The following TMEM80 variants were observed in gnomAD, a reference collection of about 807,000 sequenced individuals.
TMEM80 encodes the protein transmembrane protein 80.
A neutral mutation model predicts 13.6 loss-of-function variants in TMEM80; 16 were observed. The ratio of observed to expected loss-of-function variants is 1.17; its 90% CI spans 0.79 to 1.78. The LOEUF (loss-of-function observed/expected upper bound fraction) is 1.78, where lower values mean the gene tolerates loss of function less well. Ranked by LOEUF, TMEM80 falls within the 40% of genes most tolerant of loss-of-function variation. The pLI is 0.00. For synonymous variants in TMEM80, 92 were observed against 89.5 expected (o/e 1.03, Z -0.16); for missense variants, 167 against 184.6 (o/e 0.90, Z 0.55).
At chr11:702,438 C>A (rs963475610) in intron 4 of TMEM80, among the ~76,000 whole-genome samples, 1 of 152,236 alleles carries the variant, frequency 6.6e-6, no homozygotes, top group African/African-American at 2.4e-5. Context: ...TCCCCAAGCG[C>A]GCCGCACACT....
At chr11:700,115 G>A in intron 2 of TMEM80, 27 bp from the exon 3 acceptor site, 2 of 1,607,186 alleles carry the variant, frequency 1.2e-6, no homozygotes, top group Non-Finnish European at 1.7e-6. Flanking sequence ...AGCCTGTTGA[G>A]CTTGAGGATC....
chr11:703,465 C>T lies in TMEM80; in HGVS notation c.*315C>T. On this transcript the variant is annotated 3_prime_UTR_variant, in exon 5 of 5. Coordinates refer to ENST00000397510, the MANE Select transcript of TMEM80 (RefSeq NM_001042463.3). ...GCTTTAGCAGCCAGGCCTCCACAGA[C>T]CCCCATGGGCCCCCAGGGCCGAGAG... The T allele has an allele frequency of 3.2e-6, 4 of 1,262,716 alleles. No homozygotes were observed. The highest frequency in any genetic ancestry group is 4.0e-6 in the Non-Finnish European group (4 of 1,006,116). 78.2% of individuals were successfully genotyped at this position (1,262,716 alleles called of 1,614,324 possible). A position where few individuals can be genotyped will look rare whatever the true frequency, so the allele number is the denominator to read the frequency against.
intron 2 of TMEM80, chr11:699,207 CATTTT>C (rs1198435838): frequency 2.3e-6 from 1 of 440,190 alleles, no homozygotes; most frequent in African/African-American, 2.0e-5. Context: ...TCCCTAGATT[CATTTT>C]ATTTTATTTT....
In TMEM80 at chr11:700,619, G is replaced by C; in HGVS notation, c.138G>C (p.Gln46His). The change falls in exon 4 of 5, where the codon CAG becomes CAC. Residue 46 changes from glutamine (Q) to histidine (H), a missense_variant. By Grantham distance (24) the Gln-to-His change is conservative. Coordinates refer to ENST00000397510, the MANE Select transcript of TMEM80 (RefSeq NM_001042463.3). ...ATLLMITYKS[Q>H]VFSYPHRYLV... The stretch of plus-strand genomic sequence containing the variant: ...GTCCGCGCCTCTGCTCTTCAGGTCA[G>C]GTGTTCAGCTATCCTCACCGCTACC... 6.2e-7 allele frequency: 1 copy of C among 1,613,906 alleles called. No individual in the cohort carries two copies. The highest frequency in any genetic ancestry group is 1.1e-5 in the South Asian group (1 of 91,078).
chr11:704,965 G>A (rs1861651971), downstream of TMEM80: 2 of 324,358 alleles, frequency 6.2e-6, no homozygotes, highest in Admixed American at 4.4e-5. Context: ...GTCAGGGCAA[G>A]CTCATGCATG....
intron 3 of TMEM80, among the ~76,000 whole-genome samples, 156 bp downstream of exon 3, chr11:700,391 G>A (rs1450029508): frequency 6.6e-6 from 1 of 152,062 alleles, no homozygotes; most frequent in Non-Finnish European, 1.5e-5. Flanking sequence ...GCCGGGCGTG[G>A]TGGTGGGCGC....
chr11:701,163 A>G (rs972192946), intron 4 of TMEM80: 5 of 195,002 alleles, frequency 2.6e-5, no homozygotes, highest in South Asian at 1.9e-4. Context: ...AGGGATCCCC[A>G]AGTCTGCAAC....
At chr11:704,236 G>A (rs960395010), downstream of TMEM80, 37 of 854,616 alleles carry the variant, frequency 4.3e-5, 1 homozygote, top group African/African-American at 1.3e-4. Flanking sequence ...CCTCGCCCTC[G>A]GGCCCTGGCT....
chr11:700,526 CA>C (rs34654075), intron 3 of TMEM80, 88 bp from the exon 4 acceptor site: 50,213 of 855,650 alleles, frequency 0.059, no homozygotes, highest in Admixed American at 0.08. Context: ...GACCCTGTCT[CA>C]AAAAAAAAAA....
In TMEM80 at chr11:704,098, T is replaced by C. The variant is rs903933312; in HGVS notation, c.*948T>C. The C allele has an allele frequency of 7.6e-5, 84 of 1,098,048 alleles. No homozygotes were observed. The highest frequency in any genetic ancestry group is 9.4e-5 in the Non-Finnish European group (84 of 898,378). 68.0% of individuals were successfully genotyped at this position (1,098,048 alleles called of 1,614,324 possible). ...TAGATATTTTCTCTTCACCGCATTT[T>C]GTAAATAAAGAGATGTGTATGCCTC... On this transcript the variant is annotated 3_prime_UTR_variant, in exon 5 of 5. Transcript: ENST00000397510.
intron 4 of TMEM80, among the ~76,000 whole-genome samples, chr11:702,092 A>T (rs942002219): frequency 6.6e-6 from 1 of 152,180 alleles, no homozygotes; most frequent in African/African-American, 2.4e-5. Flanking sequence ...TACACCCCTG[A>T]TGCCTGATGT....
At chr11:699,016 G>A in intron 2 of TMEM80, 128 bp downstream of exon 2, 2 of 1,107,520 alleles carry the variant, frequency 1.8e-6, no homozygotes, top group Non-Finnish European at 2.7e-6. Flanking sequence ...AGAGGGGGGT[G>A]TTCCTTGACA....
chr11:698,720 T>C, intron 1 of TMEM80, 149 bp from the exon 2 acceptor site: 1 of 892,530 alleles, frequency 1.1e-6, no homozygotes, highest in East Asian at 2.4e-5. Flanking sequence ...AGCTATCTAG[T>C]GGCAGGCCCA....
chr11:696,231 C>G (rs1861149918), intron 1 of TMEM80, among the ~76,000 whole-genome samples: 1 of 152,230 alleles, frequency 6.6e-6, no homozygotes, highest in Non-Finnish European at 1.5e-5. Flanking sequence ...CCTCAGCCGT[C>G]CTGCCTGAGA....
intron 1 of TMEM80, among the ~76,000 whole-genome samples, chr11:698,562 T>C (rs1163041433): frequency 1.3e-5 from 2 of 152,128 alleles, no homozygotes; most frequent in Admixed American, 6.5e-5. Flanking sequence ...TGGGGTGGGC[T>C]CCAGGGTGCT....
chr11:701,460 G>A (rs1298830881), intron 4 of TMEM80, among the ~76,000 whole-genome samples: 3 of 143,184 alleles, frequency 2.1e-5, no homozygotes, highest in Admixed American at 1.4e-4. Context: ...GCCCAGGCTG[G>A]AGTGCAGTGG....
rs947283786 is a variant in TMEM80, at chr11:698,738, T to C, written c.20-131T>C. The C allele has an allele frequency of 4.7e-6, 5 of 1,071,452 alleles. No individual in the cohort carries two copies. In the Admixed American group the frequency reaches 6.8e-5, roughly 15 times the overall value. The allele number at this position is 1,071,452 out of a possible 1,614,324, so 66.4% of individuals were successfully genotyped here. A position where few individuals can be genotyped will look rare whatever the true frequency, so the allele number is the denominator to read the frequency against. ...TATCTAGTGGCAGGCCCACGGTATA[T>C]GTTTGCTGCTTTCTACAAATACGAG... is the stretch of plus-strand genomic sequence containing the variant. On this transcript the variant is annotated intron_variant, in intron 1 of 4. Transcript: ENST00000397510.
Position 695,837 on chromosome 11 carries a change from C to A in TMEM80, c.10C>A (p.Pro4Thr). ...GGGCGGGGCGGGTAAGATGGCGGCCCCGCGGCGAGGTGAGCTCGGGCGGGG... is the reference window on the plus strand; with the variant it reads ...GGGCGGGGCGGGTAAGATGGCGGCCACGCGGCGAGGTGAGCTCGGGCGGGG... MAA[P>T]RRGRGSSTVL... The change falls in exon 1 of 5, where the codon CCG becomes ACG. Residue 4 changes from proline to threonine, a missense_variant. Coordinates refer to ENST00000397510, the MANE Select transcript of TMEM80 (RefSeq NM_001042463.3). 2 of 1,230,362 alleles carry A rather than the reference C, an allele frequency of 1.6e-6. No homozygotes were observed. Among genetic ancestry groups the A allele is most frequent in the Non-Finnish European group, 2.0e-6 (2 of 986,260 alleles). 76.2% of individuals were successfully genotyped at this position (1,230,362 alleles called of 1,614,324 possible).
upstream of TMEM80, chr11:695,681 G>C: frequency 8.0e-7 from 1 of 1,244,380 alleles, no homozygotes. Context: ...GACTAATCGG[G>C]CCTCGGCCGT....
Sources: allele counts gnomAD v4.1 joint callset (sites outside exome capture counted in the v4.1 genomes callset), GRCh38; gene constraint gnomAD v4.1.1; transcripts MANE v1.5; gene names NCBI Gene and HGNC (gene_info 2026-07-23, HGNC 2026-07-21).